PDE7B: variants seen among roughly 807,000 people sequenced by gnomAD.
PDE7B encodes 3',5'-cyclic-AMP phosphodiesterase 7B.
In PDE7B, 29 loss-of-function variants were observed where a neutral mutation model predicts 56.2. The observed-to-expected ratio is 0.52, with a 90% CI of 0.38 to 0.70. The LOEUF (loss-of-function observed/expected upper bound fraction) is 0.70. PDE7B is among the 30% of genes least tolerant of loss of function. PDE7B has a pLI of 0.00. For missense variants in PDE7B, 490 were observed against 565.0 expected, an observed-to-expected ratio of 0.87 and a Z score of 1.35; for synonymous variants, 197 against 196.9, an observed-to-expected ratio of 1.00 and a Z score of 0.00.
At position 135,851,857 on chromosome 6, in the gene PDE7B, T is replaced by C. The variant is rs1774946875; in HGVS notation, c.-142T>C. 3.1e-6 allele frequency: 2 copies of C among 645,582 alleles called. No homozygotes were observed. The highest frequency in any genetic ancestry group is 2.7e-5 in the East Asian group (1 of 37,120). 40.0% of individuals were successfully genotyped at this position (645,582 alleles called of 1,614,324 possible). On this transcript the variant is annotated 5_prime_UTR_variant, in exon 1 of 13. Transcript: ENST00000308191. Reference sequence around the variant, plus strand: ...TTTCTTTATTTCTTTTCCTTTTTTTTCTTTTTTTTTTTTTGTTACTTAATT... The same window carrying C: ...TTTCTTTATTTCTTTTCCTTTTTTTCCTTTTTTTTTTTTTGTTACTTAATT...
At chr6:136,171,276 T>C (rs1384162758) in intron 8 of PDE7B, among the ~76,000 whole-genome samples, 1 of 152,126 alleles carries the variant, frequency 6.6e-6, no homozygotes, top group African/African-American at 2.4e-5. Flanking sequence ...AAGGAAGCAA[T>C]TGTAGATTCC....
intron 1 of PDE7B, among the ~76,000 whole-genome samples, chr6:135,898,038 C>G (rs978895416): frequency 6.6e-6 from 1 of 152,160 alleles, no homozygotes; most frequent in Non-Finnish European, 1.5e-5. Flanking sequence ...AAAGCAAAAG[C>G]CTTTATAGAC....
Position 136,195,328 on chromosome 6 carries a change from G to A in PDE7B, c.*3488G>A, listed in dbSNP as rs752952408. The A allele has an allele frequency of 6.6e-6, 1 of 151,952 alleles. No homozygotes were observed. The highest frequency in any genetic ancestry group is 2.1e-4 in the South Asian group (1 of 4,810). 9.4% of individuals were successfully genotyped at this position (151,952 alleles called of 1,614,324 possible). On this transcript the variant is annotated 3_prime_UTR_variant, in exon 13 of 13. Coordinates refer to ENST00000308191, the MANE Select transcript of PDE7B (RefSeq NM_018945.4). The stretch of plus-strand genomic sequence containing the variant: ...AGGTCTTGTTTTGTAATCTTTTCTC[G>A]TGTTGAATCAGATCTGCTTACTTAT...
chr6:136,054,664 A>G (rs1776697782), intron 2 of PDE7B, among the ~76,000 whole-genome samples: 1 of 152,070 alleles, frequency 6.6e-6, no homozygotes, highest in Non-Finnish European at 1.5e-5. Flanking sequence ...CATTTTCACG[A>G]TATTGATTCT....
intron 2 of PDE7B, among the ~76,000 whole-genome samples, chr6:136,010,212 T>G (rs1352882199): frequency 6.6e-6 from 1 of 152,158 alleles, no homozygotes; most frequent in East Asian, 1.9e-4. Context: ...TCCATGTAAT[T>G]GCATGGTTTT....
intron 1 of PDE7B, among the ~76,000 whole-genome samples, chr6:135,876,581 G>A (rs1775496806): frequency 6.6e-6 from 1 of 152,126 alleles, no homozygotes; most frequent in Non-Finnish European, 1.5e-5. Context: ...ATTCCAGGCT[G>A]GGCGTGGTGG....
At chr6:135,978,821 A>C (rs1775239477) in intron 2 of PDE7B, among the ~76,000 whole-genome samples, 1 of 152,078 alleles carries the variant, frequency 6.6e-6, no homozygotes. Context: ...TGTCGTCTGC[A>C]AACAGGGACA....
At chr6:135,991,054 T>C (rs1270359008) in intron 2 of PDE7B, among the ~76,000 whole-genome samples, 1 of 152,228 alleles carries the variant, frequency 6.6e-6, no homozygotes, top group Non-Finnish European at 1.5e-5. Flanking sequence ...TATGTTGCCA[T>C]GGCATTTGTA....
At chr6:136,144,507 A>C (rs1406167418) in intron 3 of PDE7B, among the ~76,000 whole-genome samples, 1 of 152,298 alleles carries the variant, frequency 6.6e-6, no homozygotes, top group Non-Finnish European at 1.5e-5. Context: ...TCAACATTCA[A>C]GTTTTGAAAG....
At chr6:136,146,906 C>G (rs548355401) in intron 3 of PDE7B, among the ~76,000 whole-genome samples, 4 of 152,298 alleles carry the variant, frequency 2.6e-5, no homozygotes, top group African/African-American at 9.6e-5. Context: ...GGTGCAGTGG[C>G]TCTCTCCTAT....
At chr6:135,948,611 T>C (rs569196665) in intron 2 of PDE7B, among the ~76,000 whole-genome samples, 1 of 152,084 alleles carries the variant, frequency 6.6e-6, no homozygotes, top group East Asian at 1.9e-4. Context: ...AGCCTTCTAA[T>C]CTTTCTTAAA....
chr6:136,038,246 A>T (rs1490655916), intron 2 of PDE7B: 1 of 1,300,296 alleles, frequency 7.7e-7, no homozygotes, highest in East Asian at 5.3e-5. Context: ...CAGCAGCAGC[A>T]GCACCACCAC....
intron 2 of PDE7B, among the ~76,000 whole-genome samples, chr6:136,078,696 T>C (rs1401237537): frequency 1.3e-5 from 2 of 152,186 alleles, no homozygotes; most frequent in Non-Finnish European, 1.5e-5. Context: ...TGCCGTCTCC[T>C]AAATATCCTT....
At chr6:135,950,325 T>C (rs1774676591) in intron 2 of PDE7B, among the ~76,000 whole-genome samples, 1 of 152,136 alleles carries the variant, frequency 6.6e-6, no homozygotes. Context: ...TCAAAAGGAA[T>C]CTCAGATAAT....
intron 2 of PDE7B, among the ~76,000 whole-genome samples, chr6:135,980,012 A>G (rs1164411072): frequency 5.9e-5 from 9 of 152,250 alleles, no homozygotes; most frequent in East Asian, 3.9e-4. Flanking sequence ...AACAAAGCTG[A>G]AGGCATCATG....
intron 8 of PDE7B, chr6:136,165,370 G>A (rs951750839): frequency 6.6e-6 from 1 of 152,076 alleles, no homozygotes; most frequent in Non-Finnish European, 1.5e-5. Context: ...CATTTCCTAT[G>A]CCCAAACCAA....
At chr6:136,183,275 C>G (rs552674881) in intron 11 of PDE7B, among the ~76,000 whole-genome samples, 10 of 151,892 alleles carry the variant, frequency 6.6e-5, no homozygotes, top group African/African-American at 2.4e-4. Flanking sequence ...GCCTTATGGT[C>G]TAGTAGAAAT....
At chr6:135,945,614 C>G (rs73558721) in intron 1 of PDE7B, among the ~76,000 whole-genome samples, 2,240 of 152,216 alleles carry the variant, frequency 0.015, 56 homozygotes, top group African/African-American at 0.052. Context: ...CATGAATTCT[C>G]ACATCCAGGA....
chr6:136,147,535 C>A, intron 4 of PDE7B, 33 bp downstream of exon 4: 1 of 1,601,364 alleles, frequency 6.2e-7, no homozygotes, highest in Non-Finnish European at 8.5e-7. Flanking sequence ...TCACAGCAGG[C>A]CAGTGGCCAA....
Sources: gnomAD v4.1 joint callset for allele counts (sites outside exome capture counted in the v4.1 genomes callset) on GRCh38, gnomAD v4.1.1 for gene constraint, MANE v1.5 for transcripts, NCBI Gene and HGNC (gene_info 2026-07-23, HGNC 2026-07-21) for gene names.